TLK1: variants seen among roughly 807,000 people sequenced by gnomAD.
TLK1 encodes tousled like kinase 1.
In TLK1, 24 loss-of-function variants were observed where a neutral mutation model predicts 105.3. The observed-to-expected ratio is 0.23, with a 90% CI of 0.17 to 0.32. TLK1 has a LOEUF of 0.32. Ranked by LOEUF, TLK1 falls within the 10% of genes least tolerant of loss-of-function variation. The probability of loss-of-function intolerance (pLI) is 1.00; values close to 1 mark genes in which losing one functional copy is unlikely to be tolerated. For synonymous variants in TLK1, 321 were observed against 310.4 expected, an observed-to-expected ratio of 1.03 and a Z score of -0.36; for missense variants, 558 against 910.5, an observed-to-expected ratio of 0.61 and a Z score of 4.98.
At chr2:171,161,737 G>C (rs1692505086), upstream of TLK1, among the ~76,000 whole-genome samples, 1 of 152,152 alleles carries the variant, frequency 6.6e-6, no homozygotes. Flanking sequence ...TAGTGTCTCC[G>C]CTGAGTCCCG....
At chr2:171,198,083 T>C (rs1287212387) in intron 1 of TLK1, among the ~76,000 whole-genome samples, 1 of 152,108 alleles carries the variant, frequency 6.6e-6, no homozygotes, top group Non-Finnish European at 1.5e-5. Context: ...ACAACTTGCA[T>C]AGGGGAGATG....
chr2:171,191,195 A>C (rs1204772857), intron 1 of TLK1, among the ~76,000 whole-genome samples: 1 of 152,054 alleles, frequency 6.6e-6, no homozygotes, highest in Non-Finnish European at 1.5e-5. Flanking sequence ...CTTTTCAACA[A>C]GTTCCCCCTA....
At chr2:171,178,282 AG>A (rs1461859000) in intron 1 of TLK1, among the ~76,000 whole-genome samples, 1 of 152,194 alleles carries the variant, frequency 6.6e-6, no homozygotes, top group Admixed American at 6.5e-5. Context: ...TATCAAGGGA[AG>A]AAACCAGGAT....
Position 171,160,766 on chromosome 2 carries a change from C to G in TLK1, c.-338G>C, listed in dbSNP as rs1692462332. The stretch of plus-strand genomic sequence containing the variant: ...CGGAGCGCGGGCGGAGCGCGGGCTG[C>G]GCCGGCCGAGGACACTTCCGCGGGC... On this transcript the variant is annotated 5_prime_UTR_variant, in exon 1 of 21. Coordinates refer to ENST00000431350, the MANE Select transcript of TLK1 (RefSeq NM_012290.5). The surrounding 1 kb of genome is among the most constrained non-coding windows in gnomAD (Gnocchi z 4.4). 2.4e-6 allele frequency: 1 copy of G among 425,262 alleles called. No homozygotes were observed. The highest frequency in any genetic ancestry group is 4.0e-6 in the Non-Finnish European group (1 of 247,408). 26.3% of individuals were successfully genotyped at this position (425,262 alleles called of 1,614,324 possible).
chr2:171,022,086 A>AACACACACACACACAGACAC lies in TLK1; in HGVS notation c.1236+6252_1236+6253insGTGTCTGTGTGTGTGTGTGT, dbSNP rs1553605632. Reference sequence around the variant, plus strand: ...CCACCACACTCCAGCCTGGGCGAAAAACACACACACACACACACACACACA... The same window carrying AACACACACACACACAGACAC: ...CCACCACACTCCAGCCTGGGCGAAAAACACACACACACACAGACACACACACACACACACACACACACACA... On this transcript the variant is annotated intron_variant, in intron 12 of 20. Transcript: ENST00000431350. 5.7e-3 allele frequency among the ~76,000 whole-genome samples: 590 copies of AACACACACACACACAGACAC among 103,104 alleles called. 3 individuals carry two copies. Among genetic ancestry groups the AACACACACACACACAGACAC allele is most frequent in the Middle Eastern group, 0.029 (6 of 208 alleles). 67.6% of individuals were successfully genotyped at this position (103,104 alleles called of 152,430 possible).
At chr2:171,216,369 G>A (rs760139278) in intron 1 of TLK1, among the ~76,000 whole-genome samples, 5 of 152,028 alleles carry the variant, frequency 3.3e-5, no homozygotes, top group Admixed American at 6.6e-5. Context: ...CCAGCTACTC[G>A]GGAGGCTGAG....
intron 11 of TLK1, among the ~76,000 whole-genome samples, chr2:171,036,178 C>T (rs1005551268): frequency 6.6e-6 from 1 of 152,206 alleles, no homozygotes; most frequent in African/African-American, 2.4e-5. Flanking sequence ...GACACAGTGG[C>T]TCACGCCTGC....
chr2:170,994,735 T>G (rs1416648878), intron 20 of TLK1: 5 of 516,336 alleles, frequency 9.7e-6, no homozygotes, highest in Admixed American at 7.8e-5. Flanking sequence ...TTATCTTGAC[T>G]TCTAAAACCA....
chr2:171,115,363 A>C (rs1416715164), intron 2 of TLK1, among the ~76,000 whole-genome samples: 1 of 151,516 alleles, frequency 6.6e-6, no homozygotes, highest in Non-Finnish European at 1.5e-5. Context: ...TTTAATAGAG[A>C]CGGGGTTTCT....
intron 1 of TLK1, 115 bp from the exon 2 acceptor site, chr2:171,117,972 C>T (rs1320068391): frequency 1.6e-6 from 1 of 619,394 alleles, no homozygotes; most frequent in East Asian, 3.3e-5. Flanking sequence ...GGAATGAATG[C>T]TACAAGCAGA....
chr2:171,196,309 G>A (rs1249501301), intron 1 of TLK1, among the ~76,000 whole-genome samples: 1 of 152,076 alleles, frequency 6.6e-6, no homozygotes, highest in Non-Finnish European at 1.5e-5. Flanking sequence ...TAGAGATGGA[G>A]TTTCACCATG....
chr2:171,155,167 T>G (rs191443772), intron 1 of TLK1, among the ~76,000 whole-genome samples: 20 of 152,258 alleles, frequency 1.3e-4, no homozygotes, highest in Non-Finnish European at 2.1e-4. Context: ...TAGAATAACT[T>G]AAGCATATTA....
At chr2:171,115,773 A>G (rs888096552) in intron 2 of TLK1, among the ~76,000 whole-genome samples, 49 of 152,324 alleles carry the variant, frequency 3.2e-4, no homozygotes, top group African/African-American at 1.1e-3. Context: ...ATTGAACAAT[A>G]TATTTCTAAG....
chr2:171,081,825 T>C (rs1486620436), intron 3 of TLK1: 61 of 617,920 alleles, frequency 9.9e-5, no homozygotes, highest in Non-Finnish European at 1.2e-4. Flanking sequence ...ATGCTTTCAA[T>C]AACACAGAGC....
intron 1 of TLK1, among the ~76,000 whole-genome samples, chr2:171,123,604 C>G (rs977615687): frequency 2.0e-5 from 3 of 152,090 alleles, no homozygotes; most frequent in African/African-American, 7.2e-5. Flanking sequence ...GCCCAAGAGT[C>G]CGAGACCAGC....
At chr2:171,143,650 C>G (rs1301773081) in intron 1 of TLK1, among the ~76,000 whole-genome samples, 2 of 148,464 alleles carry the variant, frequency 1.3e-5, no homozygotes, top group Admixed American at 1.4e-4. Context: ...CTCTGATAAG[C>G]TAAGATATAT....
intron 1 of TLK1, among the ~76,000 whole-genome samples, chr2:171,217,510 G>T (rs150543492): frequency 6.6e-6 from 1 of 152,132 alleles, no homozygotes; most frequent in South Asian, 2.1e-4. Context: ...TGGTGGAGGC[G>T]CTAATGAATG....
intron 2 of TLK1, among the ~76,000 whole-genome samples, chr2:171,115,909 T>C (rs910637950): frequency 6.6e-6 from 1 of 152,328 alleles, no homozygotes; most frequent in South Asian, 2.1e-4. Flanking sequence ...GAGCCAAAAT[T>C]TACCTGATAC....
intron 1 of TLK1, among the ~76,000 whole-genome samples, chr2:171,179,162 A>G (rs778166881): frequency 6.6e-6 from 1 of 152,214 alleles, no homozygotes; most frequent in Non-Finnish European, 1.5e-5. Context: ...TGTGATGACA[A>G]GTACAGTTGG....
Sources: allele counts gnomAD v4.1 joint callset (sites outside exome capture counted in the v4.1 genomes callset), GRCh38; gene constraint gnomAD v4.1.1; non-coding constraint Gnocchi (gnomAD v3.1); transcripts MANE v1.5; gene names NCBI Gene and HGNC (gene_info 2026-07-23, HGNC 2026-07-21).